Variants in SIDT1 observed in about 807,000 individuals in gnomAD.
The protein encoded by SIDT1 is SID1 transmembrane family member 1, also known as SID1 transmembrane family, member 1.
In SIDT1, 101 loss-of-function variants were observed where a neutral mutation model predicts 107.5. The ratio of observed to expected loss-of-function variants is 0.94; its 90% CI spans 0.80 to 1.11. The LOEUF (loss-of-function observed/expected upper bound fraction) is 1.11. SIDT1 is among the 50% of genes least tolerant of loss of function. The pLI is 0.00. For synonymous variants in SIDT1, 395 were observed against 398.2 expected (o/e 0.99, Z 0.10); for missense variants, 1,076 against 1,058.2 (o/e 1.02, Z -0.23).
intron 2 of SIDT1, among the ~76,000 whole-genome samples, 161 bp from the exon 3 acceptor site, chr3:113,567,379 T>C (rs1942015673): frequency 6.6e-6 from 1 of 152,196 alleles, no homozygotes; most frequent in African/African-American, 2.4e-5. Flanking sequence ...ACAACACTAG[T>C]TCTAAAATTA....
chr3:113,610,750 A>G (rs1256428991), intron 17 of SIDT1, among the ~76,000 whole-genome samples: 1 of 152,172 alleles, frequency 6.6e-6, no homozygotes, highest in Non-Finnish European at 1.5e-5. Flanking sequence ...AAGAGGAGTT[A>G]TTTATTTATT....
intron 1 of SIDT1, among the ~76,000 whole-genome samples, chr3:113,545,075 A>G (rs1939426035): frequency 7.2e-6 from 1 of 139,722 alleles, no homozygotes; most frequent in Admixed American, 7.8e-5. Context: ...ATATTGCGCC[A>G]TTGCACTCCA....
Position 113,603,954 on chromosome 3 carries a change from T to G in SIDT1, c.1264-6T>G, listed in dbSNP as rs774658755. The G allele has an allele frequency of 6.2e-7, 1 of 1,609,792 alleles. No individual in the cohort carries two copies. The highest frequency in any genetic ancestry group is 1.1e-5 in the South Asian group (1 of 90,424). ...TTTTGCATTCTCTTTTTATTTGGCATTCCAGATGTTCCTTTACCTGTCAGA... is the reference window on the plus strand; with the variant it reads ...TTTTGCATTCTCTTTTTATTTGGCAGTCCAGATGTTCCTTTACCTGTCAGA... On this transcript the variant is annotated splice_polypyrimidine_tract_variant and splice_region_variant and intron_variant, in intron 12 of 24. Coordinates refer to ENST00000264852, the MANE Select transcript of SIDT1 (RefSeq NM_017699.3).
intron 21 of SIDT1, among the ~76,000 whole-genome samples, chr3:113,621,004 C>G (rs949948351): frequency 1.3e-5 from 2 of 152,208 alleles, no homozygotes; most frequent in African/African-American, 2.4e-5. Context: ...CAATGACAGA[C>G]TTACACCGTG....
chr3:113,598,413 G>A (rs1220558039), intron 10 of SIDT1, among the ~76,000 whole-genome samples: 6 of 152,116 alleles, frequency 3.9e-5, no homozygotes, highest in East Asian at 1.9e-4. Context: ...GAACAATTTC[G>A]ACCTCCTGCT....
At chr3:113,631,894 G>C (rs1338936356), downstream of SIDT1, among the ~76,000 whole-genome samples, 1 of 152,190 alleles carries the variant, frequency 6.6e-6, no homozygotes, top group African/African-American at 2.4e-5. Flanking sequence ...TTAGAGAAAA[G>C]ATCCCTGCCT....
At chr3:113,575,102 A>T (rs1181506794) in intron 3 of SIDT1, among the ~76,000 whole-genome samples, 1 of 152,266 alleles carries the variant, frequency 6.6e-6, no homozygotes, top group Non-Finnish European at 1.5e-5. Flanking sequence ...TGTACTAGCA[A>T]ATAAAACATA....
intron 10 of SIDT1, among the ~76,000 whole-genome samples, chr3:113,600,708 C>T (rs1287816258): frequency 1.3e-5 from 2 of 152,120 alleles, no homozygotes; most frequent in Admixed American, 6.5e-5. Flanking sequence ...TTACTGTGCT[C>T]GAAAGATTTG....
chr3:113,569,264 T>C (rs1441751543), intron 3 of SIDT1, among the ~76,000 whole-genome samples: 1 of 152,090 alleles, frequency 6.6e-6, no homozygotes, highest in Admixed American at 6.6e-5. Context: ...GTGGTACCTT[T>C]GGGGAGGAGA....
intron 16 of SIDT1, 31 bp downstream of exon 16, chr3:113,608,248 G>T (rs1159385094): frequency 6.4e-7 from 1 of 1,563,100 alleles, no homozygotes; most frequent in East Asian, 2.3e-5. Flanking sequence ...AGCTAGGAAG[G>T]GTTATGGATC....
intron 21 of SIDT1, among the ~76,000 whole-genome samples, chr3:113,622,825 C>T (rs947467299): frequency 1.7e-4 from 26 of 152,118 alleles, no homozygotes; most frequent in African/African-American, 6.3e-4. Context: ...GTTTACATTG[C>T]ATTCAGTTAT....
Position 113,608,344 on chromosome 3 carries a change from A to G in SIDT1, c.1603-75A>G, listed in dbSNP as rs187835447. 1.3e-4 allele frequency: 206 copies of G among 1,537,920 alleles called. No individual in the cohort carries two copies. In the African/African-American group the frequency reaches 2.7e-3, roughly 20 times the overall value. On this transcript the variant is annotated intron_variant, in intron 16 of 24. Transcript: ENST00000264852. ...TAATAAACTACATGAGGCCAGAAGC[A>G]TGTGCTTCCAGATTAGTGACTTGGT...
chr3:113,590,352 T>C (rs1430052795), intron 9 of SIDT1, among the ~76,000 whole-genome samples: 1 of 152,224 alleles, frequency 6.6e-6, no homozygotes, highest in East Asian at 1.9e-4. Flanking sequence ...ACATGGGCAC[T>C]TCTGGTCCCC....
chr3:113,555,673 CTT>C (rs1940775372), intron 1 of SIDT1, among the ~76,000 whole-genome samples: 1 of 152,056 alleles, frequency 6.6e-6, no homozygotes, highest in African/African-American at 2.4e-5. Flanking sequence ...CTGGAAACTG[CTT>C]CTTTCTGGAA....
intron 10 of SIDT1, among the ~76,000 whole-genome samples, chr3:113,596,105 G>A (rs1210695047): frequency 6.6e-6 from 1 of 152,186 alleles, no homozygotes; most frequent in African/African-American, 2.4e-5. Context: ...AATGCCTTGG[G>A]TGCTTATATC....
At chr3:113,542,916 G>GTT (rs1232763979) in intron 1 of SIDT1, among the ~76,000 whole-genome samples, 1 of 149,422 alleles carries the variant, frequency 6.7e-6, no homozygotes, top group Non-Finnish European at 1.5e-5. Context: ...GTGTGTGTGT[G>GTT]TGTGTGTGTG....
At chr3:113,552,866 A>G (rs1940426722) in intron 1 of SIDT1, among the ~76,000 whole-genome samples, 1 of 152,128 alleles carries the variant, frequency 6.6e-6, no homozygotes, top group African/African-American at 2.4e-5. Context: ...CAAAATTCAC[A>G]CAGTGGGTTG....
In SIDT1 at chr3:113,593,049, G is replaced by A; in HGVS notation, c.1045+1G>A. 6.2e-7 allele frequency: 1 copy of A among 1,612,562 alleles called. No individual in the cohort carries two copies. Among genetic ancestry groups the A allele is most frequent in the South Asian group, 1.1e-5 (1 of 91,046 alleles). The stretch of plus-strand genomic sequence containing the variant: ...GATGGAAGCTTTGGGTCCAATGATG[G>A]TAAGAGCAATGCTTGGTTTCAATTC... On this transcript the variant is annotated splice_donor_variant, in intron 10 of 24. Coordinates refer to ENST00000264852, the MANE Select transcript of SIDT1 (RefSeq NM_017699.3). LOFTEE classifies it high-confidence loss of function.
At chr3:113,602,905 C>A in intron 11 of SIDT1, 100 bp from the exon 12 acceptor site, 4 of 1,257,368 alleles carry the variant, frequency 3.2e-6, no homozygotes, top group Non-Finnish European at 4.4e-6. Context: ...ATCAACACAG[C>A]ATTTCCTAGA....
Sources: allele counts gnomAD v4.1 joint callset (sites outside exome capture counted in the v4.1 genomes callset), GRCh38; gene constraint gnomAD v4.1.1; transcripts MANE v1.5; gene names NCBI Gene and HGNC (gene_info 2026-07-23, HGNC 2026-07-21).